STAT5B: variants seen among roughly 807,000 people sequenced by gnomAD.
STAT5B encodes the protein transcription factor STAT5B.
Under a neutral mutation model 107.8 loss-of-function variants are expected in STAT5B, and 21 were observed. The observed-to-expected ratio is 0.19, with a 90% CI of 0.14 to 0.28. The LOEUF is 0.28. Ranked by LOEUF, STAT5B falls within the 10% of genes least tolerant of loss-of-function variation. The pLI is 1.00. For missense variants in STAT5B, 565 were observed against 1,008.2 expected, an observed-to-expected ratio of 0.56 and a Z score of 5.95; for synonymous variants, 325 against 401.7, an observed-to-expected ratio of 0.81 and a Z score of 2.28.
At chr17:42,214,342 A>C (rs1293639158) in intron 12 of STAT5B, 1 of 985,304 alleles carries the variant, frequency 1.0e-6, no homozygotes, top group African/African-American at 1.7e-5. Flanking sequence ...TAGGAGGCTT[A>C]TCAGGACAAG....
chr17:42,260,917 CT>C (rs11402155), intron 1 of STAT5B, among the ~76,000 whole-genome samples: 114 of 141,880 alleles, frequency 8.0e-4, no homozygotes, highest in Middle Eastern at 3.6e-3. Flanking sequence ...TATGTCTTAC[CT>C]TTTTTTTTTT....
intron 5 of STAT5B, 148 bp downstream of exon 5, chr17:42,223,234 T>G (rs998901940): frequency 8.3e-7 from 1 of 1,203,582 alleles, no homozygotes; most frequent in African/African-American, 1.5e-5. Context: ...CTCTCAGCAC[T>G]GTCTTCAATG....
At chr17:42,229,802 C>T (rs1327676144) in intron 2 of STAT5B, among the ~76,000 whole-genome samples, 2 of 150,804 alleles carry the variant, frequency 1.3e-5, no homozygotes, top group Admixed American at 6.6e-5. Context: ...ACCCGGGAGG[C>T]GGAGATTGCA....
rs1274481125 is a variant in STAT5B, at chr17:42,199,395, T to A, written c.*2343A>T. The A allele has an allele frequency of 6.6e-6, 1 of 152,176 alleles. No homozygotes were observed. The highest frequency in any genetic ancestry group is 1.5e-5 in the Non-Finnish European group (1 of 68,016). 9.4% of individuals were successfully genotyped at this position (152,176 alleles called of 1,614,324 possible). A position where few individuals can be genotyped will look rare whatever the true frequency, so the allele number is the denominator to read the frequency against. On this transcript the variant is annotated 3_prime_UTR_variant, in exon 19 of 19. Coordinates refer to ENST00000293328, the MANE Select transcript of STAT5B (RefSeq NM_012448.4). ...TTTTAAAAAGAAAAATTATAAAAAG[T>A]ATACTTTCATTTTAAGTTATATTCG... is the stretch of plus-strand genomic sequence containing the variant.
intron 1 of STAT5B, among the ~76,000 whole-genome samples, chr17:42,241,764 C>T (rs771652613): frequency 1.3e-5 from 2 of 151,820 alleles, no homozygotes; most frequent in African/African-American, 2.4e-5. Context: ...TTTTGAGGGA[C>T]GGAAAAATAT....
intron 15 of STAT5B, 39 bp from the exon 16 acceptor site, chr17:42,207,767 T>G: frequency 6.2e-7 from 1 of 1,610,482 alleles, no homozygotes; most frequent in Non-Finnish European, 8.5e-7. Context: ...CTAAACATGA[T>G]TTCTGAATTA....
intron 1 of STAT5B, among the ~76,000 whole-genome samples, chr17:42,249,811 C>A (rs1432529262): frequency 2.0e-5 from 3 of 151,986 alleles, no homozygotes; most frequent in Non-Finnish European, 4.4e-5. Flanking sequence ...CAGGTGTGTG[C>A]CACTATGCCT....
At chr17:42,259,767 G>A (rs976974767) in intron 1 of STAT5B, among the ~76,000 whole-genome samples, 2 of 151,754 alleles carry the variant, frequency 1.3e-5, no homozygotes, top group South Asian at 4.2e-4. Flanking sequence ...GCAAAATAGC[G>A]AGATTCTGTC....
Position 42,211,094 on chromosome 17 carries a change from A to G in STAT5B, c.1681-597T>C, listed in dbSNP as rs531937057. Reference sequence around the variant, plus strand: ...CGGGTGCCTGTAATCCCGGCTACTCAGGAGGCTGAGACAGGAGAATCACTT... The same window carrying G: ...CGGGTGCCTGTAATCCCGGCTACTCGGGAGGCTGAGACAGGAGAATCACTT... On this transcript the variant is annotated intron_variant, in intron 13 of 18. Transcript: ENST00000293328. Among the ~76,000 whole-genome samples, 1,407 of 151,906 alleles carry G rather than the reference A, an allele frequency of 9.3e-3. 16 individuals are homozygous for G. Among genetic ancestry groups the G allele is most frequent in the African/African-American group, 0.033 (1,351 of 41,428 alleles).
At chr17:42,223,340 C>T (rs1277664824) in intron 5 of STAT5B, 42 bp downstream of exon 5, 1 of 1,613,750 alleles carries the variant, frequency 6.2e-7, no homozygotes, top group Admixed American at 1.7e-5. Context: ...AGTCCCCAGG[C>T]CCAATCCTCA....
At chr17:42,288,232 C>T in the STAT5B span, 1 of 152,202 alleles carries the variant, frequency 6.6e-6, no homozygotes, top group Non-Finnish European at 1.5e-5. This position sits in a 1 kb window ranked among gnomAD's most constrained non-coding sequence, Gnocchi z 4.8. Context: ...CGCCCCGGTT[C>T]CGGGACGCTC....
intron 1 of STAT5B, among the ~76,000 whole-genome samples, chr17:42,247,866 T>C (rs2144348653): frequency 6.6e-6 from 1 of 150,588 alleles, no homozygotes; most frequent in Non-Finnish European, 1.5e-5. Flanking sequence ...GGTGGGAGAA[T>C]CACTTGAGCC....
chr17:42,209,951 G>A (rs1303319568), intron 15 of STAT5B, among the ~76,000 whole-genome samples: 1 of 152,130 alleles, frequency 6.6e-6, no homozygotes, highest in Non-Finnish European at 1.5e-5. Context: ...GTGTAACCAT[G>A]CTGCCATATA....
chr17:42,216,760 G>A (rs973526377), intron 11 of STAT5B, among the ~76,000 whole-genome samples: 3 of 151,054 alleles, frequency 2.0e-5, no homozygotes, highest in East Asian at 1.9e-4. Flanking sequence ...GCACAATCTC[G>A]GTTCATTACA....
intron 11 of STAT5B, among the ~76,000 whole-genome samples, chr17:42,216,547 TTTG>T (rs1055833115): frequency 2.6e-5 from 4 of 152,196 alleles, no homozygotes; most frequent in African/African-American, 9.7e-5. Context: ...TATTTTTTAA[TTTG>T]TTGTTGTTGT....
At chr17:42,266,338 G>A (rs921873182) in intron 1 of STAT5B, among the ~76,000 whole-genome samples, 8 of 150,582 alleles carry the variant, frequency 5.3e-5, no homozygotes, top group African/African-American at 2.0e-4. Context: ...GACCAGCCCG[G>A]GCAACATAGT....
chr17:42,274,371 T>C (rs972302665), intron 1 of STAT5B, among the ~76,000 whole-genome samples: 1 of 150,478 alleles, frequency 6.6e-6, no homozygotes, highest in Non-Finnish European at 1.5e-5. Context: ...GAGGCTACAG[T>C]AGCAAACAAG....
At chr17:42,266,525 G>T (rs529940963) in intron 1 of STAT5B, among the ~76,000 whole-genome samples, 1 of 150,026 alleles carries the variant, frequency 6.7e-6, no homozygotes, top group African/African-American at 2.4e-5. Context: ...GGGCAACAGA[G>T]CAAGACACTG....
intron 1 of STAT5B, among the ~76,000 whole-genome samples, chr17:42,265,317 A>C (rs1374341124): frequency 6.6e-6 from 1 of 151,822 alleles, no homozygotes; most frequent in Non-Finnish European, 1.5e-5. Context: ...AACATATTTC[A>C]GATGTCCTAG....
Sources: gnomAD v4.1 joint callset for allele counts (sites outside exome capture counted in the v4.1 genomes callset) on GRCh38, gnomAD v4.1.1 for gene constraint, Gnocchi (gnomAD v3.1) non-coding constraint, MANE v1.5 for transcripts, NCBI Gene and HGNC (gene_info 2026-07-23, HGNC 2026-07-21) for gene names.